LRBA: variants seen among roughly 807,000 people sequenced by gnomAD.
LRBA encodes lipopolysaccharide-responsive and beige-like anchor protein.
A neutral mutation model predicts 330.0 loss-of-function variants in LRBA; 176 were observed. The ratio of observed to expected loss-of-function variants is 0.53; its 90% CI spans 0.47 to 0.60. The LOEUF (loss-of-function observed/expected upper bound fraction) is 0.60. LRBA is among the 20% of genes least tolerant of loss of function. LRBA has a pLI of 0.00. For missense variants in LRBA, 3,259 were observed against 3,444.8 expected, an observed-to-expected ratio of 0.95 and a Z score of 1.35; for synonymous variants, 1,230 against 1,193.0, an observed-to-expected ratio of 1.03 and a Z score of -0.64.
chr4:150,989,843 G>GGCAT (rs1741874149), intron 2 of LRBA, among the ~76,000 whole-genome samples: 1 of 151,980 alleles, frequency 6.6e-6, no homozygotes, highest in East Asian at 1.9e-4. Context: ...AAATAAGCCA[G>GGCAT]GCATGCATGG....
chr4:150,824,724 T>C (rs1448071498), intron 30 of LRBA, among the ~76,000 whole-genome samples: 3 of 152,202 alleles, frequency 2.0e-5, no homozygotes, highest in Non-Finnish European at 2.9e-5. Flanking sequence ...AGTTTGTGTA[T>C]GCTCAGACAT....
At chr4:150,834,759 G>A (rs1285706967) in intron 28 of LRBA, among the ~76,000 whole-genome samples, 3 of 152,166 alleles carry the variant, frequency 2.0e-5, no homozygotes, top group African/African-American at 7.2e-5. Flanking sequence ...TTGTAACACT[G>A]AAGCCAGGCA....
intron 47 of LRBA, among the ~76,000 whole-genome samples, chr4:150,373,164 TGTGTGTGTGA>T (rs762458428): frequency 3.9e-3 from 527 of 135,082 alleles, no homozygotes; most frequent in South Asian, 0.018. Flanking sequence ...TGTGTGTGTG[TGTGTGTGTGA>T]GAGAGAGAGA....
chr4:150,720,480 A>C (rs1728790534), intron 36 of LRBA, among the ~76,000 whole-genome samples: 1 of 152,080 alleles, frequency 6.6e-6, no homozygotes, highest in African/African-American at 2.4e-5. Flanking sequence ...AGACATAATA[A>C]ATAAATTACA....
intron 37 of LRBA, among the ~76,000 whole-genome samples, chr4:150,632,671 T>G (rs761341410): frequency 6.6e-6 from 1 of 152,200 alleles, no homozygotes; most frequent in Non-Finnish European, 1.5e-5. Context: ...TACTCTCTCA[T>G]GTTGCCCCTG....
chr4:150,979,896 T>C (rs1280963640), intron 2 of LRBA, among the ~76,000 whole-genome samples: 1 of 152,084 alleles, frequency 6.6e-6, no homozygotes, highest in Non-Finnish European at 1.5e-5. Context: ...TAACAAACAT[T>C]TGAAGAACTA....
intron 36 of LRBA, among the ~76,000 whole-genome samples, chr4:150,705,109 T>A (rs1785488355): frequency 6.6e-6 from 1 of 152,122 alleles, no homozygotes; most frequent in Non-Finnish European, 1.5e-5. Context: ...TGGCACAGAC[T>A]TCAAGTTATT....
chr4:150,442,157 G>T (rs147010721), intron 44 of LRBA, among the ~76,000 whole-genome samples: 181 of 152,222 alleles, frequency 1.2e-3, no homozygotes, highest in Middle Eastern at 6.8e-3. Context: ...ATTTGCTTGT[G>T]TTAGCTAACT....
At chr4:150,728,489 C>A (rs1255938785) in intron 36 of LRBA, among the ~76,000 whole-genome samples, 1 of 151,924 alleles carries the variant, frequency 6.6e-6, no homozygotes, top group Non-Finnish European at 1.5e-5. Context: ...TTAAAAAGGT[C>A]ATTAATCATG....
intron 37 of LRBA, among the ~76,000 whole-genome samples, chr4:150,670,849 T>A (rs1781985810): frequency 6.6e-6 from 1 of 152,238 alleles, no homozygotes; most frequent in Non-Finnish European, 1.5e-5. Flanking sequence ...TTGCTTTTAC[T>A]ATCCAAAATA....
At chr4:150,818,584 G>GTA (rs1053688120) in intron 30 of LRBA, among the ~76,000 whole-genome samples, 1 of 151,274 alleles carries the variant, frequency 6.6e-6, no homozygotes, top group Non-Finnish European at 1.5e-5. Context: ...ATGTGTGTGT[G>GTA]TACGTATGTA....
intron 36 of LRBA, among the ~76,000 whole-genome samples, chr4:150,715,818 A>G (rs1728118217): frequency 6.6e-6 from 1 of 152,176 alleles, no homozygotes; most frequent in African/African-American, 2.4e-5. Context: ...CAACTTAAAG[A>G]CTGCATTGAT....
At chr4:150,531,391 C>T (rs1764039240) in intron 40 of LRBA, among the ~76,000 whole-genome samples, 1 of 152,116 alleles carries the variant, frequency 6.6e-6, no homozygotes, top group African/African-American at 2.4e-5. Flanking sequence ...CTAGAATGTT[C>T]TTTTCATTAG....
Position 150,321,444 on chromosome 4 carries a change from A to T in LRBA, c.7453-76T>A. ...GAAGGAAAAGATGAAGAAAGACAAG[A>T]AAGAGAGGGGGTGCAGGAAAAGAAG... On this transcript the variant is annotated intron_variant, in intron 49 of 56. Transcript: ENST00000651943. The surrounding 1 kb of genome is among the most constrained non-coding windows in gnomAD (Gnocchi z 4.5). The T allele has an allele frequency of 7.9e-7, 1 of 1,269,512 alleles. No individual in the cohort carries two copies. Among genetic ancestry groups the T allele is most frequent in the Non-Finnish European group, 1.1e-6 (1 of 932,198 alleles). The allele number at this position is 1,269,512 out of a possible 1,614,324, so 78.6% of individuals were successfully genotyped here.
intron 14 of LRBA, 24 bp from the exon 15 acceptor site, chr4:150,897,842 A>C (rs1730273735): frequency 1.3e-6 from 2 of 1,492,476 alleles, no homozygotes; most frequent in East Asian, 4.5e-5. Flanking sequence ...ATACACATAC[A>C]CATTTAGTAT....
In LRBA at chr4:150,583,812, C is replaced by T. The variant is rs145522122; in HGVS notation, c.6330+4236G>A. The T allele has an allele frequency of 1.9e-6, 3 of 1,614,088 alleles. No individual in the cohort carries two copies. The African/African-American group carries it at 4.0e-5, about 22-fold the overall frequency. On this transcript the variant is annotated intron_variant, in intron 40 of 56. Transcript: ENST00000651943. The surrounding 1 kb of genome is among the most constrained non-coding windows in gnomAD (Gnocchi z 9.8). ...TGCTGAAGACTCTGCGGGACCGCCA[C>T]CTGGAGCTACCCGGCCAGCCGCTCA...
chr4:150,604,047 C>T (rs1161687752), intron 37 of LRBA, among the ~76,000 whole-genome samples: 1 of 152,128 alleles, frequency 6.6e-6, no homozygotes, highest in African/African-American at 2.4e-5. Flanking sequence ...GTACGATTCA[C>T]ATTTTTCCTC....
intron 52 of LRBA, among the ~76,000 whole-genome samples, chr4:150,304,875 A>T (rs1183231868): frequency 6.6e-6 from 1 of 152,234 alleles, no homozygotes; most frequent in Non-Finnish European, 1.5e-5. Context: ...GGTTAAATCC[A>T]TGTATTTTAA....
intron 2 of LRBA, among the ~76,000 whole-genome samples, chr4:150,988,727 T>C (rs1455427236): frequency 1.3e-5 from 2 of 152,064 alleles, no homozygotes; most frequent in Non-Finnish European, 2.9e-5. Flanking sequence ...TACAGCTGCG[T>C]ACCACCATGC....
Sources: gnomAD v4.1 joint callset for allele counts (sites outside exome capture counted in the v4.1 genomes callset) on GRCh38, gnomAD v4.1.1 for gene constraint, Gnocchi (gnomAD v3.1) non-coding constraint, MANE v1.5 for transcripts, NCBI Gene and HGNC (gene_info 2026-07-23, HGNC 2026-07-21) for gene names.